B3GALT1: variants seen among roughly 807,000 people sequenced by gnomAD.
The protein encoded by B3GALT1 is beta-1,3-galactosyltransferase 1.
In B3GALT1, 10 loss-of-function variants were observed where a neutral mutation model predicts 23.2. The ratio of observed to expected loss-of-function variants is 0.43; its 90% CI spans 0.27 to 0.73. B3GALT1 has a LOEUF of 0.73. Among genes scored for constraint, B3GALT1 ranks in the 30% least tolerant of loss-of-function variants. B3GALT1 has a pLI of 0.21. For synonymous variants in B3GALT1, 156 were observed against 141.5 expected, an observed-to-expected ratio of 1.10 and a Z score of -0.73; for missense variants, 299 against 405.4, an observed-to-expected ratio of 0.74 and a Z score of 2.25.
intron 3 of B3GALT1, among the ~76,000 whole-genome samples, chr2:167,780,847 A>G (rs2105319387): frequency 1.3e-5 from 2 of 152,354 alleles, no homozygotes; most frequent in South Asian, 4.1e-4. Flanking sequence ...CATTGACAGA[A>G]TACACCAAGA....
intron 3 of B3GALT1, among the ~76,000 whole-genome samples, chr2:167,651,255 TGTGTGTGTGTGTGTGTGCGC>T (rs985656541): frequency 3.0e-4 from 3 of 9,980 alleles, no homozygotes; most frequent in Non-Finnish European, 5.4e-3. Context: ...TGTGTGTGTG[TGTGTGTGTGTGTGTGTGCGC>T]GCACGTGCAC....
chr2:167,805,519 GA>G (rs1259282159), intron 3 of B3GALT1, among the ~76,000 whole-genome samples: 3 of 152,170 alleles, frequency 2.0e-5, no homozygotes, highest in African/African-American at 7.2e-5. Context: ...GTGTAAGGAA[GA>G]GATCCAGTTT....
intron 3 of B3GALT1, among the ~76,000 whole-genome samples, chr2:167,729,598 A>C (rs1305000404): frequency 6.6e-6 from 1 of 152,132 alleles, no homozygotes; most frequent in Non-Finnish European, 1.5e-5. Context: ...TCCTCTCTCT[A>C]TTATGTAAGA....
At chr2:167,353,752 C>G (rs1697356441) in intron 1 of B3GALT1, among the ~76,000 whole-genome samples, 1 of 152,058 alleles carries the variant, frequency 6.6e-6, no homozygotes, top group Non-Finnish European at 1.5e-5. Context: ...TTTTCAATTT[C>G]CTGTACCTGG....
intron 2 of B3GALT1, among the ~76,000 whole-genome samples, chr2:167,646,507 CTT>C (rs1229336427): frequency 6.6e-6 from 1 of 152,196 alleles, no homozygotes; most frequent in Non-Finnish European, 1.5e-5. Flanking sequence ...CTGAAACTAC[CTT>C]TTTGTGAGTT....
chr2:167,840,661 C>A (rs534991240), intron 4 of B3GALT1, among the ~76,000 whole-genome samples: 15 of 151,654 alleles, frequency 9.9e-5, no homozygotes, highest in Admixed American at 8.5e-4. Context: ...TTTGACCCAG[C>A]CATCCCATTA....
At chr2:167,483,906 C>A (rs995012037) in intron 1 of B3GALT1, among the ~76,000 whole-genome samples, 1 of 152,036 alleles carries the variant, frequency 6.6e-6, no homozygotes, top group South Asian at 2.1e-4. Flanking sequence ...TAGAACCTAT[C>A]CATGGATCGC....
chr2:167,770,053 G>A (rs148386129), intron 3 of B3GALT1, among the ~76,000 whole-genome samples: 2 of 152,194 alleles, frequency 1.3e-5, no homozygotes, highest in Admixed American at 6.5e-5. Flanking sequence ...TCTGTACTTG[G>A]TATTGTCTGG....
intron 2 of B3GALT1, among the ~76,000 whole-genome samples, chr2:167,536,328 G>A (rs913642273): frequency 1.3e-5 from 2 of 152,134 alleles, no homozygotes; most frequent in African/African-American, 4.8e-5. Context: ...GGCAGGGAGG[G>A]AGGGAAGAGG....
At chr2:167,441,421 C>T (rs560801930) in intron 1 of B3GALT1, among the ~76,000 whole-genome samples, 1 of 152,146 alleles carries the variant, frequency 6.6e-6, no homozygotes, top group African/African-American at 2.4e-5. Flanking sequence ...CTCCCAGTCT[C>T]TGCTGCCTCA....
intron 3 of B3GALT1, among the ~76,000 whole-genome samples, chr2:167,799,487 G>A (rs1169419626): frequency 6.6e-6 from 1 of 152,108 alleles, no homozygotes; most frequent in African/African-American, 2.4e-5. Flanking sequence ...CATTTCTCTC[G>A]TTGTTGATGA....
At chr2:167,740,933 T>A (rs992501953) in intron 3 of B3GALT1, among the ~76,000 whole-genome samples, 1 of 152,178 alleles carries the variant, frequency 6.6e-6, no homozygotes, top group Middle Eastern at 3.2e-3. Context: ...TTCCTTTCCA[T>A]CTCTGGGAGG....
intron 1 of B3GALT1, among the ~76,000 whole-genome samples, chr2:167,377,326 A>G (rs1480825313): frequency 6.6e-6 from 1 of 152,078 alleles, no homozygotes; most frequent in Non-Finnish European, 1.5e-5. Flanking sequence ...TGGGTAGATT[A>G]TTCTGTAGAT....
intron 1 of B3GALT1, among the ~76,000 whole-genome samples, chr2:167,317,768 T>C (rs542860408): frequency 6.6e-6 from 1 of 152,266 alleles, no homozygotes; most frequent in South Asian, 2.1e-4. Flanking sequence ...GATAGTTTCT[T>C]TCCTGACACA....
chr2:167,360,045 A>G (rs559188035), intron 1 of B3GALT1, among the ~76,000 whole-genome samples: 1 of 152,262 alleles, frequency 6.6e-6, no homozygotes, highest in South Asian at 2.1e-4. Flanking sequence ...ATTTTAGATA[A>G]TAGAAAATCA....
In B3GALT1 at chr2:167,667,318, C is replaced by A. The variant is rs190143936; in HGVS notation, c.-352+20352C>A. Among the ~76,000 whole-genome samples the A allele has an allele frequency of 7.3e-3, 1,105 of 152,298 alleles. 13 individuals carry two copies. Among genetic ancestry groups the A allele is most frequent in the African/African-American group, 0.025 (1,025 of 41,554 alleles). ...GCTCGTAGAGTTTCTGCTGAGAGAT[C>A]AGCTGTTAGTCTGAGGGGCTTCCCT... On this transcript the variant is annotated intron_variant, in intron 3 of 4. Coordinates refer to ENST00000392690, the MANE Select transcript of B3GALT1 (RefSeq NM_020981.4).
intron 2 of B3GALT1, among the ~76,000 whole-genome samples, chr2:167,618,282 T>G (rs925849779): frequency 6.6e-6 from 1 of 152,044 alleles, no homozygotes; most frequent in African/African-American, 2.4e-5. Flanking sequence ...TTGTTAAACT[T>G]TTTATTAAAT....
intron 3 of B3GALT1, among the ~76,000 whole-genome samples, chr2:167,674,010 T>G (rs1392761866): frequency 6.6e-6 from 1 of 152,140 alleles, no homozygotes; most frequent in Non-Finnish European, 1.5e-5. Context: ...AGCTTTGCTA[T>G]TCTATTTATT....
intron 2 of B3GALT1, among the ~76,000 whole-genome samples, chr2:167,573,093 G>C (rs934263654): frequency 3.3e-5 from 5 of 151,688 alleles, no homozygotes; most frequent in African/African-American, 1.2e-4. Context: ...GTGCAAAGGT[G>C]ATCTGTCATA....
Sources: gnomAD v4.1 joint callset for allele counts (sites outside exome capture counted in the v4.1 genomes callset) on GRCh38, gnomAD v4.1.1 for gene constraint, MANE v1.5 for transcripts, NCBI Gene and HGNC (gene_info 2026-07-23, HGNC 2026-07-21) for gene names.